RBFOX1: variants seen among roughly 807,000 people sequenced by gnomAD.
RBFOX1 encodes the protein RNA binding fox-1 homolog 1, also known as RNA binding protein fox-1 homolog 1.
A neutral mutation model predicts 57.7 loss-of-function variants in RBFOX1; 8 were observed. The observed-to-expected ratio is 0.14, with a 90% CI of 0.08 to 0.25. RBFOX1 has a LOEUF of 0.25. RBFOX1 is among the 10% of genes least tolerant of loss of function. The pLI, the probability that RBFOX1 is intolerant of heterozygous loss-of-function variation, is 1.00. For synonymous variants in RBFOX1, 326 were observed against 222.4 expected, an observed-to-expected ratio of 1.47 and a Z score of -4.15; for missense variants, 611 against 548.5, an observed-to-expected ratio of 1.11 and a Z score of -1.14.
intron 1 of RBFOX1, among the ~76,000 whole-genome samples, chr16:6,131,041 G>A (rs183151238): frequency 1.3e-5 from 2 of 152,260 alleles, no homozygotes; most frequent in East Asian, 1.9e-4. Context: ...GAGCGTAAGA[G>A]GCCAGATAGG....
At chr16:7,459,607 CG>C (rs1378721922) in intron 4 of RBFOX1, among the ~76,000 whole-genome samples, 5 of 152,082 alleles carry the variant, frequency 3.3e-5, no homozygotes, top group Non-Finnish European at 1.5e-5. Context: ...CCTTATATTG[CG>C]GGGGGACAGT....
intron 3 of RBFOX1, among the ~76,000 whole-genome samples, chr16:5,748,384 A>G (rs1004415107): frequency 5.9e-5 from 9 of 152,286 alleles, no homozygotes; most frequent in East Asian, 1.9e-4. Flanking sequence ...GTAGATGTCT[A>G]TTAGGTCTGC....
At chr16:5,414,160 C>G (rs1241568553) in intron 1 of RBFOX1, among the ~76,000 whole-genome samples, 1 of 152,090 alleles carries the variant, frequency 6.6e-6, no homozygotes, top group East Asian at 1.9e-4. Flanking sequence ...AATCATTGCG[C>G]CAAGGGAAAA....
At chr16:6,462,201 C>T (rs899344794) in intron 2 of RBFOX1, among the ~76,000 whole-genome samples, 2 of 152,118 alleles carry the variant, frequency 1.3e-5, no homozygotes, top group African/African-American at 4.8e-5. Flanking sequence ...TAATGTGTGG[C>T]CTCCTCCCCA....
chr16:5,598,234 A>AC (rs1316529418), intron 2 of RBFOX1, among the ~76,000 whole-genome samples: 1 of 151,700 alleles, frequency 6.6e-6, no homozygotes, highest in East Asian at 1.9e-4. Context: ...AAAAAAAAAA[A>AC]AATAAATAAA....
At chr16:6,832,238 G>A (rs917314317) in intron 3 of RBFOX1, among the ~76,000 whole-genome samples, 1 of 152,150 alleles carries the variant, frequency 6.6e-6, no homozygotes, top group African/African-American at 2.4e-5. Flanking sequence ...GTTTCTGAAG[G>A]GAACAACACA....
At chr16:5,480,181 T>C (rs1198176340) in intron 2 of RBFOX1, among the ~76,000 whole-genome samples, 2 of 152,188 alleles carry the variant, frequency 1.3e-5, no homozygotes, top group African/African-American at 4.8e-5. Context: ...CATCCGGAGA[T>C]GCATAAAAGA....
At chr16:6,842,882 T>TAGGA (rs2093561236) in intron 3 of RBFOX1, among the ~76,000 whole-genome samples, 1 of 152,156 alleles carries the variant, frequency 6.6e-6, no homozygotes, top group Non-Finnish European at 1.5e-5. Flanking sequence ...CCATGTGTTC[T>TAGGA]CATTGTTCAA....
chr16:6,088,354 A>G (rs1251902098), intron 1 of RBFOX1, among the ~76,000 whole-genome samples: 1 of 152,140 alleles, frequency 6.6e-6, no homozygotes, highest in Non-Finnish European at 1.5e-5. Context: ...GAGAAGTATG[A>G]TTAGTCATGT....
intron 1 of RBFOX1, among the ~76,000 whole-genome samples, chr16:5,266,339 G>C (rs1290552481): frequency 6.6e-6 from 1 of 152,146 alleles, no homozygotes; most frequent in Admixed American, 6.5e-5. Flanking sequence ...GCAACCACCA[G>C]TGTCCCCAGA....
intron 4 of RBFOX1, among the ~76,000 whole-genome samples, chr16:7,157,009 G>A (rs536188930): frequency 4.6e-5 from 7 of 152,286 alleles, no homozygotes; most frequent in Admixed American, 1.3e-4. Flanking sequence ...TCTGCTGTCA[G>A]ATTGTGAAAG....
intron 4 of RBFOX1, among the ~76,000 whole-genome samples, chr16:7,155,975 A>G (rs1001354061): frequency 6.6e-6 from 1 of 151,710 alleles, no homozygotes; most frequent in Non-Finnish European, 1.5e-5. Context: ...ATAACTATGT[A>G]ATATACAGAT....
chr16:5,544,697 A>T (rs1220350126), intron 2 of RBFOX1, among the ~76,000 whole-genome samples: 1 of 152,200 alleles, frequency 6.6e-6, no homozygotes, highest in East Asian at 1.9e-4. Context: ...ATCTTTGTAT[A>T]GTACATACTT....
chr16:7,699,392 C>G (rs1598403205), intron 14 of RBFOX1, among the ~76,000 whole-genome samples: 1 of 152,148 alleles, frequency 6.6e-6, no homozygotes, highest in Non-Finnish European at 1.5e-5. Flanking sequence ...GGGTCTTGTT[C>G]TATTGCCCAG....
intron 4 of RBFOX1, among the ~76,000 whole-genome samples, chr16:7,311,500 A>G (rs1392874169): frequency 1.4e-5 from 1 of 73,858 alleles, no homozygotes; most frequent in Non-Finnish European, 2.7e-5. Context: ...TTTTTTTGGC[A>G]TTCGATGTTT....
intron 13 of RBFOX1, among the ~76,000 whole-genome samples, chr16:7,668,591 C>A (rs1271941960): frequency 2.0e-5 from 3 of 151,870 alleles, no homozygotes; most frequent in African/African-American, 4.8e-5. Flanking sequence ...GGAGGTGATG[C>A]GGGGGTTGTC....
chr16:5,293,746 TG>T (rs1310207657), intron 1 of RBFOX1, among the ~76,000 whole-genome samples: 1 of 93,826 alleles, frequency 1.1e-5, no homozygotes, highest in East Asian at 2.9e-4. Context: ...TGCCAGGTGC[TG>T]GGGGAAAGGG....
chr16:7,706,670 G>C (rs1357214659), intron 14 of RBFOX1, among the ~76,000 whole-genome samples: 1 of 152,166 alleles, frequency 6.6e-6, no homozygotes, highest in African/African-American at 2.4e-5. Flanking sequence ...AAGGATTTCA[G>C]TTTGCCTCTG....
chr16:6,276,109 C>T (rs1009272018), intron 1 of RBFOX1, among the ~76,000 whole-genome samples: 1 of 152,120 alleles, frequency 6.6e-6, no homozygotes, highest in South Asian at 2.1e-4. Context: ...TTTAAAACAT[C>T]ATTTCTCATT....
Sources: allele counts gnomAD v4.1 joint callset (sites outside exome capture counted in the v4.1 genomes callset), GRCh38; gene constraint gnomAD v4.1.1; transcripts MANE v1.5; gene names NCBI Gene and HGNC (gene_info 2026-07-23, HGNC 2026-07-21).